The following COL15A1 variants were observed in gnomAD, a reference collection of about 807,000 sequenced individuals.
COL15A1 encodes the protein collagen type XV alpha 1 chain, also known as collagen alpha-1(XV) chain.
COL15A1 carries 111 observed loss-of-function variants against 165.9 expected under a neutral mutation model. That is an observed-to-expected ratio of 0.67 (90% CI 0.57 to 0.78). The LOEUF (loss-of-function observed/expected upper bound fraction) is 0.78. Ranked by LOEUF, COL15A1 falls within the 30% of genes least tolerant of loss-of-function variation. The pLI, the probability that COL15A1 is intolerant of heterozygous loss-of-function variation, is 0.00. For missense variants in COL15A1, 1,745 were observed against 1,789.7 expected (o/e 0.98, Z 0.45); for synonymous variants, 659 against 674.8 (o/e 0.98, Z 0.36).
At position 99,070,162 on chromosome 9, in the gene COL15A1, T is replaced by C. The variant is rs536921151; in HGVS notation, c.*276T>C. ...ATCCCAACATAGGTTAAGAGCAAGT[T>C]GAAAACAAAGGCCATGGCATTCTGC... On this transcript the variant is annotated 3_prime_UTR_variant, in exon 42 of 42. Coordinates refer to ENST00000375001, the MANE Select transcript of COL15A1 (RefSeq NM_001855.5). The C allele has an allele frequency of 8.6e-6, 3 of 347,456 alleles. No individual in the cohort carries two copies. The highest frequency in any genetic ancestry group is 6.4e-5 in the African/African-American group (3 of 46,874). 21.5% of individuals were successfully genotyped at this position (347,456 alleles called of 1,614,324 possible). A position where few individuals can be genotyped will look rare whatever the true frequency, so the allele number is the denominator to read the frequency against.
chr9:99,037,685 A>T (rs1469237759), intron 21 of COL15A1, among the ~76,000 whole-genome samples: 6 of 152,244 alleles, frequency 3.9e-5, no homozygotes, highest in African/African-American at 1.4e-4. Flanking sequence ...GCAAATGAAC[A>T]TAAAGAGGGG....
At chr9:98,950,891 C>T (rs1380528249) in intron 2 of COL15A1, among the ~76,000 whole-genome samples, 1 of 152,194 alleles carries the variant, frequency 6.6e-6, no homozygotes, top group Non-Finnish European at 1.5e-5. Flanking sequence ...GCGTGAGCCA[C>T]TGTGCCTGGC....
chr9:98,947,614 C>G (rs1157453289), intron 2 of COL15A1, among the ~76,000 whole-genome samples: 1 of 152,192 alleles, frequency 6.6e-6, no homozygotes, highest in Non-Finnish European at 1.5e-5. Context: ...GGGTTCCTAG[C>G]CAGCCTGGTA....
At chr9:98,966,276 G>T (rs1433871309) in intron 2 of COL15A1, among the ~76,000 whole-genome samples, 2 of 152,164 alleles carry the variant, frequency 1.3e-5, no homozygotes, top group Non-Finnish European at 2.9e-5. Flanking sequence ...GACTTAGAAA[G>T]CTCAGAATTA....
At chr9:99,057,507 C>G (rs566427294) in intron 35 of COL15A1, among the ~76,000 whole-genome samples, 2 of 152,114 alleles carry the variant, frequency 1.3e-5, no homozygotes, top group Admixed American at 1.3e-4. Context: ...GTATCAGATG[C>G]CAGGCATTTT....
intron 32 of COL15A1, 97 bp downstream of exon 32, chr9:99,054,753 G>T: frequency 7.5e-7 from 1 of 1,340,088 alleles, no homozygotes; most frequent in South Asian, 1.4e-5. Context: ...TAAGACTAAT[G>T]ACATTCCACC....
At chr9:98,966,487 G>GAGC (rs1396893346) in intron 2 of COL15A1, among the ~76,000 whole-genome samples, 1 of 152,200 alleles carries the variant, frequency 6.6e-6, no homozygotes, top group East Asian at 1.9e-4. Context: ...GATAGGCCAT[G>GAGC]AGCAGCCTCC....
At chr9:99,026,598 G>A (rs1839129569) in intron 16 of COL15A1, among the ~76,000 whole-genome samples, 1 of 152,166 alleles carries the variant, frequency 6.6e-6, no homozygotes, top group Non-Finnish European at 1.5e-5. Flanking sequence ...CTCTTGGCCA[G>A]TGGGCTGGTT....
intron 12 of COL15A1, among the ~76,000 whole-genome samples, chr9:99,021,789 GC>G (rs1306305407): frequency 6.6e-6 from 1 of 152,212 alleles, no homozygotes; most frequent in Non-Finnish European, 1.5e-5. Context: ...TGGTGCTCTA[GC>G]AGGGCCCAGA....
chr9:99,056,480 G>C, intron 35 of COL15A1, 76 bp downstream of exon 35: 1 of 1,506,306 alleles, frequency 6.6e-7, no homozygotes, highest in Non-Finnish European at 8.8e-7. Context: ...TGGGTGGCTT[G>C]TCACAGCTGC....
At position 98,945,339 on chromosome 9, in the gene COL15A1, G is replaced by A. The variant is rs2118731322; in HGVS notation, c.100+1089G>A. Among the ~76,000 whole-genome samples the A allele has an allele frequency of 2.0e-5, 3 of 152,304 alleles. 1 individual carries two copies. The Middle Eastern group carries it at 0.01, about 518-fold the overall frequency. ...TTGAGAGAAGCTTAGAAAGTGGCCA[G>A]TCCAAAAGCCAGGACTTGAATCCAG... is the stretch of plus-strand genomic sequence containing the variant. On this transcript the variant is annotated intron_variant, in intron 2 of 41. Transcript: ENST00000375001.
chr9:98,964,215 C>A (rs1445787558), intron 2 of COL15A1, among the ~76,000 whole-genome samples: 1 of 151,642 alleles, frequency 6.6e-6, no homozygotes, highest in South Asian at 2.1e-4. Flanking sequence ...CCCACCCCCC[C>A]ATTCTTGGTC....
At chr9:99,011,423 A>AAACAAAC (rs548063268) in intron 9 of COL15A1, among the ~76,000 whole-genome samples, 1 of 135,136 alleles carries the variant, frequency 7.4e-6, no homozygotes, top group African/African-American at 2.8e-5. Context: ...AAAAAAAAAA[A>AAACAAAC]AGTCATTTTA....
rs184693512 is a variant in COL15A1 at position 99,031,790 on chromosome 9, A to G, written c.2044-2759A>G. ...AAAATTAAAATTAAATTGTAATTAT[A>G]AAAGTAATATATGAATATAGTTTTC... On this transcript the variant is annotated intron_variant, in intron 16 of 41. Transcript: ENST00000375001. Among the ~76,000 whole-genome samples the G allele has an allele frequency of 4.3e-3, 648 of 152,354 alleles. 3 individuals are homozygous for G. Among genetic ancestry groups the G allele is most frequent in the Non-Finnish European group, 3.7e-3 (255 of 68,034 alleles).
At position 98,958,603 on chromosome 9, in the gene COL15A1, A is replaced by T. The variant is rs143531597; in HGVS notation, c.100+14353A>T. Among the ~76,000 whole-genome samples, 543 of 152,364 alleles carry T rather than the reference A, an allele frequency of 3.6e-3. 5 individuals carry two copies. The highest frequency in any genetic ancestry group is 0.013 in the African/African-American group (524 of 41,592). On this transcript the variant is annotated intron_variant, in intron 2 of 41. Coordinates refer to ENST00000375001, the MANE Select transcript of COL15A1 (RefSeq NM_001855.5). ...TTTCAGGTCTAACTGTCTGCAGTAG[A>T]TGGCTCCATTTCAGGGTCTTCCCCT... is the stretch of plus-strand genomic sequence containing the variant.
chr9:98,976,927 C>T, intron 2 of COL15A1, among the ~76,000 whole-genome samples: 1 of 152,016 alleles, frequency 6.6e-6, no homozygotes. Flanking sequence ...GAAGTTGGGC[C>T]CTGAGATGTG....
At position 98,974,775 on chromosome 9, in the gene COL15A1, G is replaced by T. The variant is rs376518072; in HGVS notation, c.101-10790G>T. On this transcript the variant is annotated intron_variant, in intron 2 of 41. Coordinates refer to ENST00000375001, the MANE Select transcript of COL15A1 (RefSeq NM_001855.5). ...TGGGAATACACCCACCCGCTTGCAG[G>T]AGTCACCGTGGCCCCGTTTAAGCTG... 6.6e-4 allele frequency among the ~76,000 whole-genome samples: 101 copies of T among 152,356 alleles called. 2 individuals are homozygous for T. In the South Asian group the frequency reaches 0.02, roughly 31 times the overall value.
rs1839038099 is a variant in COL15A1, at chr9:99,022,124, G to A, written c.1735G>A (p.Glu579Lys). The change falls in exon 13 of 42, where the codon GAA becomes AAA. Residue 579 changes from glutamate (E) to lysine (K), a missense_variant. By Grantham distance (56) the Glu-to-Lys change is moderately conservative. Coordinates refer to ENST00000375001, the MANE Select transcript of COL15A1 (RefSeq NM_001855.5). Reference protein sequence around the residue: ...DAGEELPGPPEPSGPVGPTAG... With the variant: ...DAGEELPGPPKPSGPVGPTAG... Reference sequence around the variant, plus strand: ...TGGGGAGGAGCTTCCTGGCCCTCCTGAACCTTCTGGGCCTGTTGGACCCAC... The same window carrying A: ...TGGGGAGGAGCTTCCTGGCCCTCCTAAACCTTCTGGGCCTGTTGGACCCAC... 3 of 1,614,148 alleles carry A rather than the reference G, an allele frequency of 1.9e-6. No individual in the cohort carries two copies. Among genetic ancestry groups the A allele is most frequent in the Non-Finnish European group, 2.5e-6 (3 of 1,179,992 alleles).
intron 6 of COL15A1, among the ~76,000 whole-genome samples, chr9:98,999,094 C>G (rs1195002838): frequency 6.6e-6 from 1 of 152,230 alleles, no homozygotes; most frequent in Non-Finnish European, 1.5e-5. Flanking sequence ...GTGCTGGCCA[C>G]TCTTCCATCA....
Sources: gnomAD v4.1 joint callset for allele counts (sites outside exome capture counted in the v4.1 genomes callset) on GRCh38, gnomAD v4.1.1 for gene constraint, MANE v1.5 for transcripts, NCBI Gene and HGNC (gene_info 2026-07-23, HGNC 2026-07-21) for gene names.